The following RBFOX1 variants were observed in gnomAD, a reference collection of about 807,000 sequenced individuals.
The protein encoded by RBFOX1 is RNA binding protein fox-1 homolog 1.
RBFOX1 carries 8 observed loss-of-function variants against 57.7 expected under a neutral mutation model. The observed-to-expected ratio is 0.14, with a 90% CI of 0.08 to 0.25. The LOEUF (loss-of-function observed/expected upper bound fraction) is 0.25. Ranked by LOEUF, RBFOX1 falls within the 10% of genes least tolerant of loss-of-function variation. The probability of loss-of-function intolerance (pLI) is 1.00; values close to 1 mark genes in which losing one functional copy is unlikely to be tolerated. For synonymous variants in RBFOX1, 326 were observed against 222.4 expected (o/e 1.47, Z -4.15); for missense variants, 611 against 548.5 (o/e 1.11, Z -1.14).
intron 14 of RBFOX1, among the ~76,000 whole-genome samples, chr16:7,705,259 C>T (rs186830102): frequency 5.3e-5 from 8 of 152,232 alleles, no homozygotes; most frequent in Admixed American, 5.2e-4. Flanking sequence ...GTAATCCCAG[C>T]ACTTTGGGAG....
chr16:6,065,615 C>A (rs759494019), intron 1 of RBFOX1, among the ~76,000 whole-genome samples: 18 of 152,186 alleles, frequency 1.2e-4, no homozygotes, highest in Non-Finnish European at 2.4e-4. Flanking sequence ...ATCCTTCAAA[C>A]TGGATTTCAC....
chr16:5,705,405 G>T (rs1193411411), intron 3 of RBFOX1, among the ~76,000 whole-genome samples: 1 of 152,068 alleles, frequency 6.6e-6, no homozygotes, highest in Non-Finnish European at 1.5e-5. Context: ...GGGACTACAG[G>T]CATGCACCAC....
At chr16:6,837,168 G>C (rs2093161199) in intron 3 of RBFOX1, among the ~76,000 whole-genome samples, 1 of 152,232 alleles carries the variant, frequency 6.6e-6, no homozygotes, top group Admixed American at 6.5e-5. Flanking sequence ...GGTTTTCTGA[G>C]TTTAAATAAC....
intron 4 of RBFOX1, among the ~76,000 whole-genome samples, chr16:5,908,099 CA>C (rs1175232042): frequency 1.3e-4 from 18 of 137,668 alleles, no homozygotes; most frequent in Non-Finnish European, 1.8e-4. Flanking sequence ...CATATATACA[CA>C]TATATATATA....
chr16:5,354,600 C>T (rs113758982), intron 1 of RBFOX1, among the ~76,000 whole-genome samples: 20 of 152,368 alleles, frequency 1.3e-4, no homozygotes, highest in African/African-American at 4.6e-4. Context: ...TCTTAAGCCG[C>T]TTTTCCAGGC....
intron 3 of RBFOX1, among the ~76,000 whole-genome samples, chr16:6,740,971 G>A (rs1008614154): frequency 7.2e-5 from 11 of 152,246 alleles, no homozygotes; most frequent in African/African-American, 2.2e-4. Flanking sequence ...GTTTCAAGAC[G>A]TTATGTAACT....
chr16:5,710,130 T>C (rs898835103), intron 3 of RBFOX1, among the ~76,000 whole-genome samples: 8 of 151,784 alleles, frequency 5.3e-5, no homozygotes, highest in Admixed American at 2.6e-4. Flanking sequence ...TGAGAGATTA[T>C]AAGCTCCCAC....
At chr16:5,610,245 C>G (rs2047727359) in intron 3 of RBFOX1, 1 of 152,286 alleles carries the variant, frequency 6.6e-6, no homozygotes, top group Non-Finnish European at 1.5e-5. Context: ...ATGTAATAGA[C>G]TCTCAGTCGC....
chr16:5,811,453 ATTTT>A (rs56359632), intron 3 of RBFOX1, among the ~76,000 whole-genome samples: 3 of 143,028 alleles, frequency 2.1e-5, no homozygotes, highest in Non-Finnish European at 1.5e-5. Flanking sequence ...GGAACAAAGT[ATTTT>A]TTTTTTTTTT....
intron 4 of RBFOX1, among the ~76,000 whole-genome samples, chr16:7,362,414 G>C (rs545432452): frequency 6.6e-6 from 1 of 151,724 alleles, no homozygotes; most frequent in African/African-American, 2.4e-5. Flanking sequence ...TATATGTTTT[G>C]TGTGTATGCG....
chr16:6,180,700 G>A (rs2097056185), intron 1 of RBFOX1, among the ~76,000 whole-genome samples: 1 of 151,750 alleles, frequency 6.6e-6, no homozygotes, highest in South Asian at 2.1e-4. Context: ...TGAGTAGCTG[G>A]GATTACAGGC....
At chr16:5,878,538 C>T (rs1347100952) in intron 4 of RBFOX1, among the ~76,000 whole-genome samples, 2 of 152,120 alleles carry the variant, frequency 1.3e-5, no homozygotes, top group Admixed American at 6.6e-5. Context: ...TGAAAACCCC[C>T]TTGGGTTAAA....
At chr16:5,544,887 A>C (rs1327616766) in intron 2 of RBFOX1, among the ~76,000 whole-genome samples, 1 of 146,748 alleles carries the variant, frequency 6.8e-6, no homozygotes, top group Admixed American at 6.9e-5. Context: ...TTAGAGATTG[A>C]ATTTGTAGTT....
At chr16:7,123,421 G>C (rs1368948302) in intron 4 of RBFOX1, among the ~76,000 whole-genome samples, 3 of 152,148 alleles carry the variant, frequency 2.0e-5, no homozygotes, top group Non-Finnish European at 4.4e-5. Flanking sequence ...CTGGAGTACA[G>C]TGGTGCCAAT....
intron 1 of RBFOX1, among the ~76,000 whole-genome samples, chr16:6,258,420 G>T (rs902476192): frequency 1.3e-5 from 2 of 152,136 alleles, no homozygotes; most frequent in Non-Finnish European, 2.9e-5. Context: ...GTGTGTTTTT[G>T]ATTGTGTGCC....
At chr16:5,276,481 T>C (rs147306537) in intron 1 of RBFOX1, among the ~76,000 whole-genome samples, 3 of 152,024 alleles carry the variant, frequency 2.0e-5, no homozygotes, top group Non-Finnish European at 4.4e-5. Context: ...TGCAATACCA[T>C]GTGTAAAATA....
chr16:7,148,263 T>C lies in RBFOX1; in HGVS notation c.27+96165T>C, dbSNP rs560550365. Among the ~76,000 whole-genome samples the C allele has an allele frequency of 4.1e-4, 62 of 152,312 alleles. 1 individual carries two copies. Among genetic ancestry groups the C allele is most frequent in the Middle Eastern group, 3.4e-3 (1 of 294 alleles). ...AAATGGAAGAAGTTTAAAGGCACAC[T>C]CTGGCATGCTCTTGGTATTATTTAC... On this transcript the variant is annotated intron_variant, in intron 4 of 15. Transcript: ENST00000550418.
At position 5,676,841 on chromosome 16, in the gene RBFOX1, A is replaced by G. The variant is rs949604698; in HGVS notation, c.318+77880A>G. Among the ~76,000 whole-genome samples, 27 of 151,934 alleles carry G rather than the reference A, an allele frequency of 1.8e-4. 1 individual carries two copies. The highest frequency in any genetic ancestry group is 1.5e-3 in the Admixed American group (23 of 15,250). Reference sequence around the variant, plus strand: ...TGTACCACTGTATTCCAGCCTGGGCAACAGAGCAAGACTCCACCTCAAAAA... The same window carrying G: ...TGTACCACTGTATTCCAGCCTGGGCGACAGAGCAAGACTCCACCTCAAAAA... On this transcript the variant is annotated intron_variant, in intron 3 of 19. Transcript: ENST00000641259.
chr16:5,613,145 A>G lies in RBFOX1; in HGVS notation c.318+14184A>G, dbSNP rs1275931086. ...TTCTTTGAGGGGCCTCAGTTGGAGCAGGGGACAGAATCACAGGGGTACCAA... is the reference window on the plus strand; with the variant it reads ...TTCTTTGAGGGGCCTCAGTTGGAGCGGGGGACAGAATCACAGGGGTACCAA... On this transcript the variant is annotated intron_variant, in intron 3 of 19. Coordinates refer to the RBFOX1 transcript ENST00000641259. Among the ~76,000 whole-genome samples the G allele has an allele frequency of 2.6e-5, 4 of 152,318 alleles. No individual in the cohort carries two copies. In the East Asian group the frequency reaches 7.7e-4, roughly 29 times the overall value.
Sources: allele counts gnomAD v4.1 joint callset (sites outside exome capture counted in the v4.1 genomes callset), GRCh38; gene constraint gnomAD v4.1.1; transcripts MANE v1.5; gene names NCBI Gene and HGNC (gene_info 2026-07-23, HGNC 2026-07-21).